Variants in NPSR1 observed in about 807,000 individuals in gnomAD.
NPSR1 encodes neuropeptide S receptor.
In NPSR1, 48 loss-of-function variants were observed where a neutral mutation model predicts 46.9. The ratio of observed to expected loss-of-function variants is 1.02; its 90% CI spans 0.81 to 1.30. The LOEUF (loss-of-function observed/expected upper bound fraction) is 1.30. NPSR1 is among the 50% of genes most tolerant of loss of function. The probability of loss-of-function intolerance (pLI) is 0.00; values close to 1 mark genes in which losing one functional copy is unlikely to be tolerated. For missense variants in NPSR1, 450 were observed against 449.5 expected (o/e 1.00, Z -0.01); for synonymous variants, 176 against 168.1 (o/e 1.05, Z -0.36).
intron 3 of NPSR1, among the ~76,000 whole-genome samples, chr7:34,805,429 C>T (rs567770076): frequency 1.5e-5 from 2 of 131,550 alleles, no homozygotes; most frequent in African/African-American, 5.9e-5. Context: ...GAGAGATAGC[C>T]TTTTCAAGAA....
At chr7:34,709,787 G>A (rs1202323384) in intron 2 of NPSR1, among the ~76,000 whole-genome samples, 1 of 151,978 alleles carries the variant, frequency 6.6e-6, no homozygotes, top group African/African-American at 2.4e-5. Context: ...CCAAATGAAT[G>A]AATGAAAGAT....
chr7:34,682,358 C>A (rs2609210), intron 1 of NPSR1, among the ~76,000 whole-genome samples: 19,280 of 152,134 alleles, frequency 0.13, 1,299 homozygotes, highest in Middle Eastern at 0.17. Context: ...CTTTCCTGAA[C>A]CTAGACACCC....
chr7:34,708,356 G>C (rs971560065), intron 2 of NPSR1, among the ~76,000 whole-genome samples: 24 of 152,140 alleles, frequency 1.6e-4, no homozygotes, highest in African/African-American at 5.3e-4. Flanking sequence ...CTAATCCATG[G>C]AACAAGACAT....
intron 2 of NPSR1, among the ~76,000 whole-genome samples, chr7:34,724,103 A>G (rs1784012627): frequency 6.6e-6 from 1 of 152,226 alleles, no homozygotes; most frequent in Non-Finnish European, 1.5e-5. Context: ...TGCTTTCAAA[A>G]TCACCCAAAC....
At chr7:34,857,984 A>G (rs1584149469) in intron 8 of NPSR1, among the ~76,000 whole-genome samples, 1 of 151,886 alleles carries the variant, frequency 6.6e-6, no homozygotes, top group Non-Finnish European at 1.5e-5. Context: ...AGTAAATTAA[A>G]TCACAATGAT....
At chr7:34,752,949 G>A (rs571992501) in intron 2 of NPSR1, among the ~76,000 whole-genome samples, 9 of 152,208 alleles carry the variant, frequency 5.9e-5, no homozygotes, top group South Asian at 2.1e-4. Flanking sequence ...GACAAATATC[G>A]TGCAACACTG....
intron 5 of NPSR1, among the ~76,000 whole-genome samples, chr7:34,829,357 T>C (rs767918063): frequency 8.5e-5 from 13 of 152,138 alleles, no homozygotes; most frequent in Non-Finnish European, 1.9e-4. Flanking sequence ...TGCCCTCCAC[T>C]CCATCAAGCT....
intron 2 of NPSR1, among the ~76,000 whole-genome samples, chr7:34,747,557 T>C (rs1257547400): frequency 2.0e-5 from 3 of 152,212 alleles, no homozygotes. Flanking sequence ...GAATCAGAGA[T>C]ATCTTAATAG....
At chr7:34,788,402 A>G (rs1787565445) in intron 3 of NPSR1, among the ~76,000 whole-genome samples, 1 of 152,092 alleles carries the variant, frequency 6.6e-6, no homozygotes, top group Admixed American at 6.6e-5. Flanking sequence ...AAAATATATG[A>G]TAGCCAGAAT....
intron 1 of NPSR1, among the ~76,000 whole-genome samples, chr7:34,673,379 A>C (rs1392583622): frequency 1.3e-5 from 2 of 152,154 alleles, no homozygotes; most frequent in East Asian, 3.8e-4. Context: ...CTCCAGCTCC[A>C]TGATTTTCAG....
At chr7:34,720,529 ATG>A (rs1378917508) in intron 2 of NPSR1, among the ~76,000 whole-genome samples, 3 of 152,106 alleles carry the variant, frequency 2.0e-5, no homozygotes, top group Non-Finnish European at 4.4e-5. Flanking sequence ...AGCCCTGAAT[ATG>A]TGAGTTGGGA....
chr7:34,678,211 T>C (rs1043990757), intron 1 of NPSR1, among the ~76,000 whole-genome samples: 32 of 149,130 alleles, frequency 2.1e-4, no homozygotes, highest in Admixed American at 6.8e-4. Flanking sequence ...TACAAGGCTT[T>C]GCAATTCTTT....
At chr7:34,813,791 G>C (rs1789108495) in intron 4 of NPSR1, among the ~76,000 whole-genome samples, 1 of 152,220 alleles carries the variant, frequency 6.6e-6, no homozygotes, top group African/African-American at 2.4e-5. Flanking sequence ...TTATATGCAA[G>C]GTGGTAATTT....
intron 3 of NPSR1, among the ~76,000 whole-genome samples, chr7:34,791,181 ATATATGT>A (rs1787848985): frequency 2.2e-5 from 2 of 91,606 alleles, no homozygotes; most frequent in African/African-American, 4.2e-5. Context: ...ATATTATATT[ATATATGT>A]TATATGTTAT....
At chr7:34,675,546 T>A (rs143430221) in intron 1 of NPSR1, among the ~76,000 whole-genome samples, 133 of 152,346 alleles carry the variant, frequency 8.7e-4, no homozygotes, top group Non-Finnish European at 1.4e-3. Flanking sequence ...AGTTTCCATC[T>A]GACAGAGATT....
intron 2 of NPSR1, chr7:34,750,517 G>T: frequency 2.8e-6 from 2 of 702,062 alleles, no homozygotes; most frequent in Non-Finnish European, 5.3e-6. Context: ...TGGCTGTTGG[G>T]GCTCTCTGGC....
At chr7:34,866,052 T>C (rs752887085) in intron 8 of NPSR1, among the ~76,000 whole-genome samples, 6 of 151,810 alleles carry the variant, frequency 4.0e-5, no homozygotes, top group Non-Finnish European at 8.8e-5. Flanking sequence ...AAACTAATGC[T>C]GGGATGAATC....
intron 2 of NPSR1, among the ~76,000 whole-genome samples, chr7:34,695,622 C>T (rs962388592): frequency 3.3e-5 from 5 of 151,798 alleles, no homozygotes; most frequent in Middle Eastern, 3.2e-3. Flanking sequence ...AACAAACAAC[C>T]CCATTAAAAA....
At chr7:34,677,848 C>A (rs566776931) in intron 1 of NPSR1, among the ~76,000 whole-genome samples, 37 of 152,186 alleles carry the variant, frequency 2.4e-4, no homozygotes, top group Non-Finnish European at 4.7e-4. Context: ...TTGGCCAGTG[C>A]CTTCTCCCAG....
Sources: allele counts gnomAD v4.1 joint callset (sites outside exome capture counted in the v4.1 genomes callset), GRCh38; gene constraint gnomAD v4.1.1; transcripts MANE v1.5; gene names NCBI Gene and HGNC (gene_info 2026-07-23, HGNC 2026-07-21).